The following DCAF8 variants were observed in gnomAD, a reference collection of about 807,000 sequenced individuals.
DCAF8 encodes the protein DDB1 and CUL4 associated factor 8.
In DCAF8, 20 loss-of-function variants were observed where a neutral mutation model predicts 68.0. That is an observed-to-expected ratio of 0.29 (90% CI 0.21 to 0.43). The LOEUF (loss-of-function observed/expected upper bound fraction) is 0.43, where lower values mean the gene tolerates loss of function less well. DCAF8 is among the 20% of genes least tolerant of loss of function. The pLI, the probability that DCAF8 is intolerant of heterozygous loss-of-function variation, is 1.00. For synonymous variants in DCAF8, 230 were observed against 276.9 expected (o/e 0.83, Z 1.68); for missense variants, 460 against 771.0 (o/e 0.60, Z 4.78).
At chr1:160,246,083 A>G (rs1397058912) in intron 2 of DCAF8, among the ~76,000 whole-genome samples, 1 of 152,122 alleles carries the variant, frequency 6.6e-6, no homozygotes, top group Admixed American at 6.5e-5. Flanking sequence ...GGTTGTGGTG[A>G]GCCGAGATCG....
chr1:160,257,277 A>G (rs1656873754), intron 2 of DCAF8, among the ~76,000 whole-genome samples: 1 of 152,198 alleles, frequency 6.6e-6, no homozygotes, highest in Non-Finnish European at 1.5e-5. Flanking sequence ...TTTAAAAAAA[A>G]AAAAAGCTAA....
rs752759630 is a variant in DCAF8 at position 160,239,978 on chromosome 1, G to A, written c.442C>T (p.Pro148Ser). 2 of 1,614,118 alleles carry A rather than the reference G, an allele frequency of 1.2e-6. No individual in the cohort carries two copies. The highest frequency in any genetic ancestry group is 1.3e-5 in the African/African-American group (1 of 74,944). Reference protein sequence around the residue: ...DWVSSETSALPRPRWQALPAL... With the variant: ...DWVSSETSALSRPRWQALPAL... ...GGGAGGGCTTGCCAGCGAGGTCGGG[G>A]TAGAGCTGATGTTTCTGAGGACACC... Residue 148 changes from proline (P) to serine (S), a missense_variant, in exon 4 of 14, where the codon CCC (proline) becomes TCC (serine). This residue lies in a region of DCAF8 where 170 missense variants were observed against 318.2 expected (regional missense o/e 0.53). Transcript: ENST00000368074.
chr1:160,248,743 C>T (rs1417970856), intron 2 of DCAF8, among the ~76,000 whole-genome samples: 1 of 151,494 alleles, frequency 6.6e-6, no homozygotes, highest in African/African-American at 2.4e-5. Flanking sequence ...AAATAATTAT[C>T]GCGAGCTGGA....
chr1:160,228,746 T>G (rs11265360), intron 7 of DCAF8, among the ~76,000 whole-genome samples: 10,618 of 152,174 alleles, frequency 0.07, 1,270 homozygotes, highest in African/African-American at 0.24. Context: ...TTTCTCTATA[T>G]TCCCTTGAAG....
chr1:160,215,883 G>A lies in DCAF8; in HGVS notation c.*1709C>T, dbSNP rs773340812. ...ACAGCAGCCAACATCTGGTCTCAGA[G>A]CTGCTGGGAAAAGGGGCAGGAGGAA... On this transcript the variant is annotated 3_prime_UTR_variant, in exon 14 of 14. Transcript: ENST00000368074. The A allele has an allele frequency of 6.6e-6, 1 of 152,084 alleles. No homozygotes were observed. The highest frequency in any genetic ancestry group is 1.5e-5 in the Non-Finnish European group (1 of 68,028). 9.4% of individuals were successfully genotyped at this position (152,084 alleles called of 1,614,324 possible).
At chr1:160,257,895 T>G (rs1656901770) in intron 2 of DCAF8, among the ~76,000 whole-genome samples, 1 of 151,974 alleles carries the variant, frequency 6.6e-6, no homozygotes, top group Non-Finnish European at 1.5e-5. Context: ...ATGCTTGGCT[T>G]TTTTTTTAAA....
chr1:160,218,456 G>T lies in DCAF8; in HGVS notation c.1561-16C>A, dbSNP rs377300581. 6.2e-7 allele frequency: 1 copy of T among 1,602,866 alleles called. No individual in the cohort carries two copies. The highest frequency in any genetic ancestry group is 8.5e-7 in the Non-Finnish European group (1 of 1,169,718). On this transcript the variant is annotated splice_polypyrimidine_tract_variant and intron_variant, in intron 12 of 13. Coordinates refer to ENST00000368074, the MANE Select transcript of DCAF8 (RefSeq NM_015726.4). ...TCTTAATCACCTGGAACCCAAAAAG[G>T]TTGGGAAGAGGGGGCAGCAATGAAG...
intron 5 of DCAF8, among the ~76,000 whole-genome samples, chr1:160,238,382 C>T (rs1414322377): frequency 6.6e-6 from 1 of 152,196 alleles, no homozygotes; most frequent in Non-Finnish European, 1.5e-5. Flanking sequence ...AGCTTAGGGG[C>T]CAAATACTAT....
rs1191803090 is a variant in DCAF8, at chr1:160,215,973, C to CT, written c.*1618dup. ...CCTTCCTGGCCTGATTTAGAAGAATCTGACTGTCCCAGGATACAGAATTCT... is the reference window on the plus strand; with the variant it reads ...CCTTCCTGGCCTGATTTAGAAGAATCTTGACTGTCCCAGGATACAGAATTCT... On this transcript the variant is annotated 3_prime_UTR_variant, in exon 14 of 14. Transcript: ENST00000368074. The CT allele has an allele frequency of 2.0e-5, 3 of 152,144 alleles. No individual in the cohort carries two copies. The highest frequency in any genetic ancestry group is 2.9e-5 in the Non-Finnish European group (2 of 68,032). The allele number at this position is 152,144 out of a possible 1,614,324, so 9.4% of individuals were successfully genotyped here.
At chr1:160,256,279 G>C (rs1375367833) in intron 2 of DCAF8, among the ~76,000 whole-genome samples, 2 of 151,980 alleles carry the variant, frequency 1.3e-5, no homozygotes, top group African/African-American at 4.8e-5. Context: ...GCCATTAACA[G>C]TTTTTGCCAT....
chr1:160,236,422 G>A (rs1001607995), intron 6 of DCAF8, among the ~76,000 whole-genome samples: 6 of 151,488 alleles, frequency 4.0e-5, no homozygotes, highest in African/African-American at 9.8e-5. Context: ...GTGTATATAT[G>A]TGTGTGTGTA....
At chr1:160,250,398 G>A (rs888177746) in intron 2 of DCAF8, among the ~76,000 whole-genome samples, 9 of 150,796 alleles carry the variant, frequency 6.0e-5, no homozygotes, top group Non-Finnish European at 1.2e-4. Flanking sequence ...CCTGGAAGGC[G>A]GAGGTTGCGG....
chr1:160,253,602 C>G (rs931468154), intron 2 of DCAF8, among the ~76,000 whole-genome samples: 1 of 140,738 alleles, frequency 7.1e-6, no homozygotes, highest in Non-Finnish European at 1.5e-5. Context: ...GAGCCGAGAT[C>G]GCACCATTGC....
chr1:160,231,508 A>G lies in DCAF8; in HGVS notation c.960-101T>C, dbSNP rs549743365. On this transcript the variant is annotated intron_variant, in intron 6 of 13. Coordinates refer to ENST00000368074, the MANE Select transcript of DCAF8 (RefSeq NM_015726.4). Reference sequence around the variant, plus strand: ...AGTCACATGGCTAATAAGAAACCAAAGAGATTCTCATTTGGAAAGAAAGAA... The same window carrying G: ...AGTCACATGGCTAATAAGAAACCAAGGAGATTCTCATTTGGAAAGAAAGAA... 12 of 758,804 alleles carry G rather than the reference A, an allele frequency of 1.6e-5. No individual in the cohort carries two copies. In the East Asian group the frequency reaches 2.6e-4, roughly 16 times the overall value. The allele number at this position is 758,804 out of a possible 1,614,324, so 47.0% of individuals were successfully genotyped here.
At chr1:160,257,174 C>A (rs1162969425) in intron 2 of DCAF8, among the ~76,000 whole-genome samples, 2 of 151,944 alleles carry the variant, frequency 1.3e-5, no homozygotes, top group African/African-American at 4.8e-5. Context: ...AAGTCACTAC[C>A]CCATGCCTAT....
chr1:160,218,993 A>T, intron 11 of DCAF8, 25 bp from the exon 12 acceptor site: 4 of 1,613,534 alleles, frequency 2.5e-6, no homozygotes, highest in Non-Finnish European at 3.4e-6. Context: ...AGGAAAACAC[A>T]GACTCAGCAG....
At chr1:160,219,245 G>A in intron 11 of DCAF8, 1 of 311,816 alleles carries the variant, frequency 3.2e-6, no homozygotes, top group Non-Finnish European at 5.9e-6. Context: ...TGAGTGGACT[G>A]CCCAAGCTTA....
intron 2 of DCAF8, among the ~76,000 whole-genome samples, chr1:160,257,743 G>A (rs912133270): frequency 1.1e-4 from 16 of 152,142 alleles, no homozygotes; most frequent in African/African-American, 2.4e-4. Flanking sequence ...ACTAGGTCTC[G>A]CTCTGTTGCC....
rs553416781 is a variant in DCAF8 at position 160,248,143 on chromosome 1, C to T, written c.-26-4109G>A. The stretch of plus-strand genomic sequence containing the variant: ...CAACATGGTGAAACCCCCGTCTCTA[C>T]TAAAAATACAAAAATTAGCCGGGCG... On this transcript the variant is annotated intron_variant, in intron 2 of 13. Transcript: ENST00000368074. Among the ~76,000 whole-genome samples the T allele has an allele frequency of 4.6e-5, 7 of 151,924 alleles. No individual in the cohort carries two copies. The East Asian group carries it at 1.2e-3, about 25-fold the overall frequency.
Sources: gnomAD v4.1 joint callset for allele counts (sites outside exome capture counted in the v4.1 genomes callset) on GRCh38, gnomAD v4.1.1 for gene constraint, gnomAD v4.1.1 regional missense constraint, MANE v1.5 for transcripts, NCBI Gene and HGNC (gene_info 2026-07-23, HGNC 2026-07-21) for gene names.